RARB: variants seen among roughly 807,000 people sequenced by gnomAD.
The protein encoded by RARB is retinoic acid receptor beta.
In RARB, 17 loss-of-function variants were observed where a neutral mutation model predicts 51.9. The ratio of observed to expected loss-of-function variants is 0.33; its 90% CI spans 0.22 to 0.49. The LOEUF is 0.49. Ranked by LOEUF, RARB falls within the 20% of genes least tolerant of loss-of-function variation. The probability of loss-of-function intolerance (pLI) is 0.99; values close to 1 mark genes in which losing one functional copy is unlikely to be tolerated. For missense variants in RARB, 369 were observed against 550.8 expected (o/e 0.67, Z 3.30); for synonymous variants, 215 against 195.4 (o/e 1.10, Z -0.84).
chr3:25,378,928 A>T (rs1450902171), intron 5 of RARB, among the ~76,000 whole-genome samples: 1 of 152,266 alleles, frequency 6.6e-6, no homozygotes, highest in Admixed American at 6.5e-5. Flanking sequence ...AATGAGATGA[A>T]TGCCAGAGCT....
chr3:25,164,958 C>A (rs1451519823), intron 4 of RARB, among the ~76,000 whole-genome samples: 1 of 152,188 alleles, frequency 6.6e-6, no homozygotes, highest in East Asian at 1.9e-4. Context: ...ACGTGCAGGT[C>A]GACCTTCAGC....
chr3:25,383,174 G>C (rs1032133177), intron 5 of RARB, among the ~76,000 whole-genome samples: 1 of 152,154 alleles, frequency 6.6e-6, no homozygotes, highest in Non-Finnish European at 1.5e-5. Context: ...TTCATTCAGA[G>C]ACTGAGGTTC....
rs574706741 is a variant in RARB, at chr3:24,984,032, T to C, written c.-379-76093T>C. On this transcript the variant is annotated intron_variant, in intron 2 of 11. Coordinates refer to the RARB transcript ENST00000383772. The stretch of plus-strand genomic sequence containing the variant: ...CTAATTTAGGTTGTGATGAAACTGT[T>C]CTGCCACTACTCCACTGGTATCATT... 6.6e-5 allele frequency among the ~76,000 whole-genome samples: 10 copies of C among 152,338 alleles called. No homozygotes were observed. In the South Asian group the frequency reaches 2.1e-3, roughly 32 times the overall value.
chr3:24,934,546 C>T (rs1432153974), intron 2 of RARB, among the ~76,000 whole-genome samples: 2 of 152,008 alleles, frequency 1.3e-5, no homozygotes, highest in East Asian at 3.9e-4. Context: ...AAATCTCATA[C>T]CTGTTGATAG....
chr3:25,500,475 T>TTTTTTTTTTTTTTTTTC (rs1697256758), intron 2 of RARB, among the ~76,000 whole-genome samples: 1 of 124,738 alleles, frequency 8.0e-6, no homozygotes, highest in African/African-American at 3.9e-5. Context: ...TTTTTTTTTT[T>TTTTTTTTTTTTTTTTTC]TTTTTTGGTT....
rs147581865 is a variant in RARB at position 24,881,516 on chromosome 3, T to C, written c.-380+22764T>C. On this transcript the variant is annotated intron_variant, in intron 2 of 11. Transcript: ENST00000383772. ...ATTGAGTACTTAGTAAATTGATTTGTTTGCATATTACGACATTTCAAATCT... is the reference window on the plus strand; with the variant it reads ...ATTGAGTACTTAGTAAATTGATTTGCTTGCATATTACGACATTTCAAATCT... 3.9e-5 allele frequency among the ~76,000 whole-genome samples: 6 copies of C among 152,186 alleles called. 1 individual carries two copies. The highest frequency in any genetic ancestry group is 8.8e-5 in the Non-Finnish European group (6 of 68,038).
intron 5 of RARB, among the ~76,000 whole-genome samples, chr3:25,275,190 G>A (rs1010445467): frequency 2.0e-5 from 3 of 152,114 alleles, no homozygotes; most frequent in African/African-American, 4.8e-5. Flanking sequence ...GGCTAGGCGC[G>A]GTGGCTCACG....
At chr3:24,916,928 T>G (rs1575070480) in intron 2 of RARB, among the ~76,000 whole-genome samples, 1 of 152,300 alleles carries the variant, frequency 6.6e-6, no homozygotes. Flanking sequence ...CAGTAATATT[T>G]TGCTGAGTGG....
At chr3:24,936,062 T>A (rs979260094) in intron 2 of RARB, among the ~76,000 whole-genome samples, 9 of 152,168 alleles carry the variant, frequency 5.9e-5, no homozygotes, top group Non-Finnish European at 1.5e-5. Context: ...ATCCAAAACA[T>A]ACCTTTTTAG....
At chr3:24,988,912 G>A (rs1011677972) in intron 2 of RARB, among the ~76,000 whole-genome samples, 3 of 152,198 alleles carry the variant, frequency 2.0e-5, no homozygotes, top group African/African-American at 2.4e-5. Flanking sequence ...TGCAACCTCC[G>A]CTTCCCAGGC....
intron 7 of RARB, among the ~76,000 whole-genome samples, chr3:25,595,897 T>G (rs149456094): frequency 3.4e-4 from 52 of 152,342 alleles, no homozygotes; most frequent in Non-Finnish European, 7.1e-4. Context: ...CTTCTCTTTG[T>G]AAATTGTTAT....
intron 5 of RARB, among the ~76,000 whole-genome samples, chr3:25,231,875 C>T (rs1454143166): frequency 6.6e-6 from 1 of 151,962 alleles, no homozygotes; most frequent in African/African-American, 2.4e-5. Flanking sequence ...TTTTCATTCT[C>T]TTAGTGTTTT....
intron 5 of RARB, among the ~76,000 whole-genome samples, chr3:25,206,246 C>G (rs546753319): frequency 6.6e-6 from 1 of 152,172 alleles, no homozygotes; most frequent in Non-Finnish European, 1.5e-5. Context: ...CAGTTTAAAA[C>G]AGCTTTTAAA....
intron 2 of RARB, among the ~76,000 whole-genome samples, chr3:25,466,884 T>TA (rs1268752121): frequency 6.6e-6 from 1 of 152,258 alleles, no homozygotes; most frequent in African/African-American, 2.4e-5. Context: ...GGACCAGATT[T>TA]GGCCCTTGAT....
At chr3:25,373,283 T>C (rs1706359038) in intron 5 of RARB, among the ~76,000 whole-genome samples, 1 of 151,946 alleles carries the variant, frequency 6.6e-6, no homozygotes, top group South Asian at 2.1e-4. Context: ...AGAAAGACAG[T>C]ACTAATAGAG....
At chr3:25,045,154 A>G (rs1276602097) in intron 2 of RARB, among the ~76,000 whole-genome samples, 2 of 152,218 alleles carry the variant, frequency 1.3e-5, no homozygotes, top group East Asian at 3.8e-4. Flanking sequence ...CAGCTGGAAT[A>G]GCAAAAGTAC....
At chr3:24,923,566 G>C (rs1695261061) in intron 2 of RARB, among the ~76,000 whole-genome samples, 1 of 151,264 alleles carries the variant, frequency 6.6e-6, no homozygotes, top group African/African-American at 2.4e-5. Flanking sequence ...CTGACAATTT[G>C]CTTTTTGAGA....
At chr3:25,001,135 T>C (rs1697150276) in intron 2 of RARB, among the ~76,000 whole-genome samples, 1 of 151,362 alleles carries the variant, frequency 6.6e-6, no homozygotes. Flanking sequence ...AGGGAAGGAG[T>C]TGAATAAGGG....
chr3:25,306,403 T>G (rs1347300924), intron 5 of RARB, among the ~76,000 whole-genome samples: 3 of 152,162 alleles, frequency 2.0e-5, no homozygotes, highest in African/African-American at 7.2e-5. Flanking sequence ...CTTGAATGAT[T>G]TTTTGTTCAT....
Sources: gnomAD v4.1 joint callset for allele counts (sites outside exome capture counted in the v4.1 genomes callset) on GRCh38, gnomAD v4.1.1 for gene constraint, MANE v1.5 for transcripts, NCBI Gene and HGNC (gene_info 2026-07-23, HGNC 2026-07-21) for gene names.